The following ARIH1 variants were observed in gnomAD, a reference collection of about 807,000 sequenced individuals.
ARIH1 encodes ariadne RBR E3 ubiquitin protein ligase 1.
Under a neutral mutation model 85.0 loss-of-function variants are expected in ARIH1, and 8 were observed. The ratio of observed to expected loss-of-function variants is 0.09; its 90% CI spans 0.06 to 0.17. The LOEUF (loss-of-function observed/expected upper bound fraction) is 0.17, where lower values mean the gene tolerates loss of function less well. Ranked by LOEUF, ARIH1 falls within the 10% of genes least tolerant of loss-of-function variation. The probability of loss-of-function intolerance (pLI) is 1.00; values close to 1 mark genes in which losing one functional copy is unlikely to be tolerated. For missense variants in ARIH1, 311 were observed against 718.1 expected, an observed-to-expected ratio of 0.43 and a Z score of 6.48; for synonymous variants, 238 against 253.6, an observed-to-expected ratio of 0.94 and a Z score of 0.59.
Position 72,592,354 on chromosome 15 carries a change from T to C in ARIH1, c.*9062T>C, listed in dbSNP as rs1031243950. The C allele has an allele frequency of 1.3e-5, 2 of 152,190 alleles. No individual in the cohort carries two copies. The highest frequency in any genetic ancestry group is 4.8e-5 in the African/African-American group (2 of 41,460). 9.4% of individuals were successfully genotyped at this position (152,190 alleles called of 1,614,324 possible). The stretch of plus-strand genomic sequence containing the variant: ...AAATCTCACTGAAGCAAAGAGATAA[T>C]AGGCCAGTAAAGAGTGGGAGACAAA... On this transcript the variant is annotated 3_prime_UTR_variant, in exon 14 of 14. Transcript: ENST00000379887.
intron 2 of ARIH1, among the ~76,000 whole-genome samples, chr15:72,538,098 T>C (rs1159374747): frequency 6.6e-6 from 1 of 152,160 alleles, no homozygotes. Context: ...GCGTGGTAGC[T>C]CACACCTGTA....
chr15:72,482,705 A>C (rs938541183), intron 1 of ARIH1, among the ~76,000 whole-genome samples: 6 of 152,250 alleles, frequency 3.9e-5, no homozygotes, highest in Non-Finnish European at 8.8e-5. Flanking sequence ...TAGTGGCTTA[A>C]AAAAACAAGG....
rs1440824578 is a variant in ARIH1, at chr15:72,586,972, TAAAG to T, written c.*3683_*3686del. ...TATAGGGATGAAGGGAGAGTTTTCTTAAAGAAGGTCCCAAAGTTGAAGATCGTTT... is the reference window on the plus strand; with the variant it reads ...TATAGGGATGAAGGGAGAGTTTTCTTAAGGTCCCAAAGTTGAAGATCGTTT... On this transcript the variant is annotated 3_prime_UTR_variant, in exon 14 of 14. Transcript: ENST00000379887. The T allele has an allele frequency of 5.9e-6, 2 of 338,284 alleles. No individual in the cohort carries two copies. The highest frequency in any genetic ancestry group is 1.1e-5 in the Non-Finnish European group (2 of 176,696). 21.0% of individuals were successfully genotyped at this position (338,284 alleles called of 1,614,324 possible). A position where few individuals can be genotyped will look rare whatever the true frequency, so the allele number is the denominator to read the frequency against.
At position 72,479,528 on chromosome 15, in the gene ARIH1, C is replaced by G. The variant is rs547692824; in HGVS notation, c.375+4514C>G. 1.1e-3 allele frequency among the ~76,000 whole-genome samples: 161 copies of G among 152,042 alleles called. 1 individual carries two copies. The highest frequency in any genetic ancestry group is 2.9e-3 in the African/African-American group (122 of 41,456). ...GGTTCAAGCGATTCTCCTGCCTCAG[C>G]CTCCTGAGAAGCTGGGACTACAGGT... On this transcript the variant is annotated intron_variant, in intron 1 of 13. Coordinates refer to ENST00000379887, the MANE Select transcript of ARIH1 (RefSeq NM_005744.5).
chr15:72,596,947 T>C lies in ARIH1; in HGVS notation c.*13655T>C, dbSNP rs2064365784. 6.6e-6 allele frequency: 1 copy of C among 152,160 alleles called. No individual in the cohort carries two copies. The highest frequency in any genetic ancestry group is 1.5e-5 in the Non-Finnish European group (1 of 68,030). The allele number at this position is 152,160 out of a possible 1,614,324, so 9.4% of individuals were successfully genotyped here. On this transcript the variant is annotated 3_prime_UTR_variant, in exon 14 of 14. Coordinates refer to ENST00000379887, the MANE Select transcript of ARIH1 (RefSeq NM_005744.5). The stretch of plus-strand genomic sequence containing the variant: ...TATTTTATTGGGTTTTTTCTGTTTT[T>C]TCTTTCATTTTTAATCAGTTATTTT...
intron 1 of ARIH1, among the ~76,000 whole-genome samples, chr15:72,507,079 G>C (rs1227809265): frequency 6.6e-6 from 1 of 152,132 alleles, no homozygotes; most frequent in Non-Finnish European, 1.5e-5. Context: ...CTGGAGTGCA[G>C]TGGCATGATC....
intron 3 of ARIH1, among the ~76,000 whole-genome samples, chr15:72,546,848 T>C (rs2140424954): frequency 6.6e-6 from 1 of 151,246 alleles, no homozygotes; most frequent in South Asian, 2.1e-4. Context: ...ACCTGGCCTC[T>C]GAAAGTGCTG....
chr15:72,551,202 G>C (rs2064151295), intron 3 of ARIH1, among the ~76,000 whole-genome samples: 1 of 152,152 alleles, frequency 6.6e-6, no homozygotes. Context: ...GAATAAACTT[G>C]ATAAGAAATG....
At chr15:72,508,477 T>G (rs945032428) in intron 1 of ARIH1, among the ~76,000 whole-genome samples, 19 of 152,324 alleles carry the variant, frequency 1.2e-4, no homozygotes, top group Admixed American at 1.1e-3. Context: ...TCTCCATGTA[T>G]TCAAATCCTA....
rs774696353 is a variant in ARIH1 at position 72,567,065 on chromosome 15, A to G, written c.955-41A>G. 11 of 1,478,476 alleles carry G rather than the reference A, an allele frequency of 7.4e-6. No individual in the cohort carries two copies. In the African/African-American group the frequency reaches 1.6e-4, roughly 21 times the overall value. 91.6% of individuals were successfully genotyped at this position (1,478,476 alleles called of 1,614,324 possible). A position where few individuals can be genotyped will look rare whatever the true frequency, so the allele number is the denominator to read the frequency against. On this transcript the variant is annotated intron_variant, in intron 8 of 13. Transcript: ENST00000379887. ...TGCTAAAGTAATTTGCTATTTTTAAAAGTCTTTTGTTGTATCCTAACCGTT... is the reference window on the plus strand; with the variant it reads ...TGCTAAAGTAATTTGCTATTTTTAAGAGTCTTTTGTTGTATCCTAACCGTT...
At chr15:72,575,330 G>A (rs563803902) in intron 11 of ARIH1, among the ~76,000 whole-genome samples, 2 of 152,200 alleles carry the variant, frequency 1.3e-5, no homozygotes, top group South Asian at 4.2e-4. Context: ...TGCAATCCTA[G>A]CACTTTGGGA....
rs2064019790 is a variant in ARIH1 at position 72,524,797 on chromosome 15, A to T, written c.443+6663A>T. The stretch of plus-strand genomic sequence containing the variant: ...CAGAATAACCCAGTTCCAAAATTTG[A>T]CAGACAGTAGGAGAAAATGATACTT... On this transcript the variant is annotated intron_variant, in intron 2 of 13. Transcript: ENST00000379887. Among the ~76,000 whole-genome samples the T allele has an allele frequency of 2.0e-5, 3 of 152,238 alleles. No individual in the cohort carries two copies. The South Asian group carries it at 6.2e-4, about 31-fold the overall frequency.
At position 72,514,552 on chromosome 15, in the gene ARIH1, A is replaced by G. The variant is rs996003386; in HGVS notation, c.376-3515A>G. Among the ~76,000 whole-genome samples, 12 of 151,634 alleles carry G rather than the reference A, an allele frequency of 7.9e-5. 1 individual carries two copies. The East Asian group carries it at 2.3e-3, about 30-fold the overall frequency. ...AAACCCTGTCGCTACTGAAAATACA[A>G]AATATTAGCTGGGCACGGTGGTGCA... On this transcript the variant is annotated intron_variant, in intron 1 of 13. Transcript: ENST00000379887.
chr15:72,532,159 C>T (rs1407502288), intron 2 of ARIH1, among the ~76,000 whole-genome samples: 2 of 146,704 alleles, frequency 1.4e-5, no homozygotes, highest in Non-Finnish European at 3.0e-5. Context: ...ATCAAGAAGC[C>T]GTAAGATTTT....
At chr15:72,501,866 A>G (rs1436291034) in intron 1 of ARIH1, among the ~76,000 whole-genome samples, 2 of 152,164 alleles carry the variant, frequency 1.3e-5, no homozygotes, top group Admixed American at 6.5e-5. Flanking sequence ...CTCTACCTTT[A>G]GTTTGTACCC....
At chr15:72,495,558 A>G (rs889028035) in intron 1 of ARIH1, among the ~76,000 whole-genome samples, 1 of 152,232 alleles carries the variant, frequency 6.6e-6, no homozygotes, top group Non-Finnish European at 1.5e-5. Flanking sequence ...TAAACAAAAG[A>G]ATATACAAAT....
Position 72,580,980 on chromosome 15 carries a change from A to G in ARIH1, c.1465A>G (p.Ile489Val). The G allele has an allele frequency of 6.2e-7, 1 of 1,613,616 alleles. No individual in the cohort carries two copies. Among genetic ancestry groups the G allele is most frequent in the Non-Finnish European group, 8.5e-7 (1 of 1,179,596 alleles). Reference protein sequence around the residue: ...AFYLKKNNQSIIFENNQADLE... With the variant: ...AFYLKKNNQSVIFENNQADLE... ...CTACCTCAAAAAGAATAACCAGTCC[A>G]TTATCTTTGAGGTAGGAGTAGTTCT... Residue 489 changes from isoleucine (I) to valine (V), a missense_variant, in exon 12 of 14, where the codon ATT (isoleucine) becomes GTT (valine). Ile to Val is a conservative substitution (Grantham distance 29). Coordinates refer to ENST00000379887, the MANE Select transcript of ARIH1 (RefSeq NM_005744.5).
rs530476446 is a variant in ARIH1 at position 72,476,441 on chromosome 15, T to C, written c.375+1427T>C. Among the ~76,000 whole-genome samples, 63 of 152,356 alleles carry C rather than the reference T, an allele frequency of 4.1e-4. 1 individual carries two copies. The highest frequency in any genetic ancestry group is 1.4e-3 in the African/African-American group (59 of 41,586). On this transcript the variant is annotated intron_variant, in intron 1 of 13. Transcript: ENST00000379887. The stretch of plus-strand genomic sequence containing the variant: ...GTGCAATGGCGCAATCTCTGCTCAC[T>C]GCAACCTCCGCCTGCCGGGTTCATG...
chr15:72,501,242 G>A (rs2063902143), intron 1 of ARIH1, among the ~76,000 whole-genome samples: 1 of 152,052 alleles, frequency 6.6e-6, no homozygotes, highest in African/African-American at 2.4e-5. Flanking sequence ...GCCTACAATG[G>A]CTTTTTTCAA....
Sources: gnomAD v4.1 joint callset for allele counts (sites outside exome capture counted in the v4.1 genomes callset) on GRCh38, gnomAD v4.1.1 for gene constraint, MANE v1.5 for transcripts, NCBI Gene and HGNC (gene_info 2026-07-23, HGNC 2026-07-21) for gene names.